The following FAAH2 variants were observed in gnomAD, a reference collection of about 807,000 sequenced individuals.
FAAH2 encodes the protein fatty-acid amide hydrolase 2.
Under a neutral mutation model 36.9 loss-of-function variants are expected in FAAH2, and 60 were observed. The observed-to-expected ratio is 1.63, with a 90% CI of 1.32 to 2.02. FAAH2 has a LOEUF of 2.02. FAAH2 is among the 30% of genes most tolerant of loss of function. The pLI is 0.00. For synonymous variants in FAAH2, 214 were observed against 143.8 expected (o/e 1.49, Z -3.49); for missense variants, 689 against 397.5 (o/e 1.73, Z -6.23).
At chrX:57,449,913 G>A (rs1293491065) in intron 10 of FAAH2, among the ~76,000 whole-genome samples, 3 of 111,486 alleles carry the variant, frequency 2.7e-5, no homozygotes, top group African/African-American at 6.5e-5. Context: ...TTATCTGTCC[G>A]CCTTGGCCTC....
intron 2 of FAAH2, among the ~76,000 whole-genome samples, chrX:57,306,976 TAC>T (rs199916519): frequency 0.032 from 1,886 of 58,665 alleles, 163 homozygotes; most frequent in African/African-American, 0.092. Context: ...CACACACGTA[TAC>T]ACACACACAC....
At chrX:57,310,242 T>C (rs1051469137) in intron 2 of FAAH2, among the ~76,000 whole-genome samples, 1 of 112,307 alleles carries the variant, frequency 8.9e-6, no homozygotes, top group African/African-American at 3.2e-5. Context: ...GAAGTGTCTG[T>C]TTATGGCCTT....
At chrX:57,168,316 C>G in the FAAH2 span, among the ~76,000 whole-genome samples, 28 of 110,104 alleles carry the variant, frequency 2.5e-4, no homozygotes, top group Non-Finnish European at 4.6e-4. Flanking sequence ...CACTAGTGTG[C>G]TCATCACTAC....
chrX:57,223,846 G>A, the FAAH2 span, among the ~76,000 whole-genome samples: 2 of 111,650 alleles, frequency 1.8e-5, no homozygotes, highest in African/African-American at 3.3e-5. Context: ...TCCTTCATCA[G>A]CCAAATTATC....
At chrX:57,403,128 G>C (rs773842975) in intron 7 of FAAH2, among the ~76,000 whole-genome samples, 24 of 112,001 alleles carry the variant, frequency 2.1e-4, no homozygotes, top group Non-Finnish European at 3.8e-4. Context: ...CATGCACTCT[G>C]ACTGGGCCGA....
chrX:57,224,007 C>G, the FAAH2 span, among the ~76,000 whole-genome samples: 1 of 111,673 alleles, frequency 9.0e-6, no homozygotes, highest in Non-Finnish European at 1.9e-5. Context: ...AACAAAAAAT[C>G]TCCCTTTCAC....
chrX:57,447,831 G>A (rs1203180527), intron 9 of FAAH2, among the ~76,000 whole-genome samples: 1 of 111,925 alleles, frequency 8.9e-6, no homozygotes, highest in Non-Finnish European at 1.9e-5. Context: ...CTGCCACAAA[G>A]GACTCTGAAA....
chrX:57,343,452 C>G, intron 5 of FAAH2, among the ~76,000 whole-genome samples: 1 of 111,632 alleles, frequency 9.0e-6, no homozygotes, highest in East Asian at 2.8e-4. Context: ...CATTTTCTCA[C>G]TCTTTAATTG....
At chrX:57,321,057 G>A (rs772754109) in intron 3 of FAAH2, among the ~76,000 whole-genome samples, 105 of 110,149 alleles carry the variant, frequency 9.5e-4, no homozygotes, top group African/African-American at 3.1e-3. Flanking sequence ...GGAGAATGGC[G>A]TGAATCTAGG....
chrX:57,419,357 C>T (rs1338059162), intron 7 of FAAH2, among the ~76,000 whole-genome samples: 5 of 111,061 alleles, frequency 4.5e-5, no homozygotes, highest in African/African-American at 1.6e-4. Context: ...GTTCCTATTT[C>T]TCCACATCCT....
the FAAH2 span, among the ~76,000 whole-genome samples, chrX:57,178,178 C>A: frequency 5.4e-5 from 6 of 111,594 alleles, no homozygotes; most frequent in East Asian, 2.8e-4. Flanking sequence ...TGGAGATTTT[C>A]TTGGTTATTA....
At chrX:57,256,786 C>T in the FAAH2 span, among the ~76,000 whole-genome samples, 5 of 111,555 alleles carry the variant, frequency 4.5e-5, no homozygotes, top group East Asian at 2.8e-4. Flanking sequence ...AAATTTTTGC[C>T]GTCTATCCAT....
the FAAH2 span, among the ~76,000 whole-genome samples, chrX:57,171,813 G>T: frequency 9.0e-6 from 1 of 111,624 alleles, no homozygotes; most frequent in Non-Finnish European, 1.9e-5. Context: ...TGCTTTTGAG[G>T]TCTTAGTCAT....
chrX:57,445,290 A>T (rs1406671872), intron 8 of FAAH2, among the ~76,000 whole-genome samples: 2 of 110,908 alleles, frequency 1.8e-5, no homozygotes, highest in Non-Finnish European at 3.8e-5. Flanking sequence ...ATAAGGGAAA[A>T]TTTCCTGGGT....
the FAAH2 span, among the ~76,000 whole-genome samples, chrX:57,183,670 T>A: frequency 9.0e-6 from 1 of 111,696 alleles, no homozygotes; most frequent in Non-Finnish European, 1.9e-5. Flanking sequence ...GTACATCACC[T>A]CAGGATCACT....
intron 7 of FAAH2, 125 bp downstream of exon 7, chrX:57,381,154 T>C (rs2054837075): frequency 4.5e-6 from 2 of 445,658 alleles, no homozygotes; most frequent in South Asian, 1.0e-4. Context: ...TTCAGAACAG[T>C]TATACTAAGG....
the FAAH2 span, among the ~76,000 whole-genome samples, chrX:57,145,247 T>G: frequency 2.5e-5 from 2 of 79,912 alleles, no homozygotes; most frequent in Non-Finnish European, 4.3e-5. Context: ...ATTATGATCA[T>G]TCTTTTGGGG....
intron 10 of FAAH2, among the ~76,000 whole-genome samples, chrX:57,470,339 T>G (rs1045650707): frequency 9.1e-6 from 1 of 110,393 alleles, no homozygotes; most frequent in Non-Finnish European, 1.9e-5. Flanking sequence ...TCAACAAAAT[T>G]GATAGACTAC....
intron 6 of FAAH2, among the ~76,000 whole-genome samples, chrX:57,379,813 A>ATTT (rs34967842): frequency 0.26 from 26,612 of 101,480 alleles, 2,912 homozygotes; most frequent in Middle Eastern, 0.52. Flanking sequence ...AAGTCCCTGA[A>ATTT]TTTTTTTTTT....
Sources: allele counts gnomAD v4.1 joint callset (sites outside exome capture counted in the v4.1 genomes callset), GRCh38; gene constraint gnomAD v4.1.1; transcripts MANE v1.5; gene names NCBI Gene and HGNC (gene_info 2026-07-23, HGNC 2026-07-21).